Variants in RBM47 observed in about 807,000 individuals in gnomAD.
RBM47 encodes the protein RNA-binding protein 47.
In RBM47, 21 loss-of-function variants were observed where a neutral mutation model predicts 47.1. The observed-to-expected ratio is 0.45, with a 90% CI of 0.32 to 0.64. The LOEUF is 0.64. Ranked by LOEUF, RBM47 falls within the 30% of genes least tolerant of loss-of-function variation. The pLI is 0.05. For missense variants in RBM47, 708 were observed against 870.9 expected, an observed-to-expected ratio of 0.81 and a Z score of 2.35; for synonymous variants, 375 against 361.7, an observed-to-expected ratio of 1.04 and a Z score of -0.42.
chr4:40,615,178 C>T (rs1440047294), intron 1 of RBM47, among the ~76,000 whole-genome samples: 3 of 152,014 alleles, frequency 2.0e-5, no homozygotes, highest in Non-Finnish European at 4.4e-5. Context: ...ACAGTGGGTG[C>T]TCAATAAATG....
intron 2 of RBM47, among the ~76,000 whole-genome samples, chr4:40,486,504 A>T (rs545641914): frequency 2.0e-5 from 3 of 152,304 alleles, no homozygotes; most frequent in East Asian, 3.9e-4. Context: ...ATCAGCAAAA[A>T]TTTTTAAATT....
At chr4:40,591,412 G>A (rs34811116) in intron 1 of RBM47, among the ~76,000 whole-genome samples, 1,807 of 152,268 alleles carry the variant, frequency 0.012, 44 homozygotes, top group African/African-American at 0.041. Flanking sequence ...ACCAAGCGTG[G>A]TGGCTCACAC....
At chr4:40,457,237 T>C (rs1418117018) in intron 3 of RBM47, among the ~76,000 whole-genome samples, 3 of 150,798 alleles carry the variant, frequency 2.0e-5, no homozygotes, top group Non-Finnish European at 1.5e-5. Flanking sequence ...CTGGCCAACA[T>C]GGTGAAATCC....
At chr4:40,507,948 C>A (rs928467680) in intron 2 of RBM47, among the ~76,000 whole-genome samples, 1 of 152,092 alleles carries the variant, frequency 6.6e-6, no homozygotes, top group Non-Finnish European at 1.5e-5. Context: ...TGCCTGTAAT[C>A]CCAGCTACTT....
At position 40,466,612 on chromosome 4, in the gene RBM47, A is replaced by G. The variant is rs1173636024; in HGVS notation, c.-67T>C. On this transcript the variant is annotated 5_prime_UTR_variant, in exon 3 of 7. Coordinates refer to ENST00000295971, the MANE Select transcript of RBM47 (RefSeq NM_001098634.2). ...AATTTGATTTGTCTGGTCCTTTATA[A>G]GTCGCAGAACGAGAGTATACAGGCA... 1 of 152,166 alleles carries G rather than the reference A, an allele frequency of 6.6e-6. No individual in the cohort carries two copies. The highest frequency in any genetic ancestry group is 2.4e-5 in the African/African-American group (1 of 41,426). The allele number at this position is 152,166 out of a possible 1,614,324, so 9.4% of individuals were successfully genotyped here. A position where few individuals can be genotyped will look rare whatever the true frequency, so the allele number is the denominator to read the frequency against.
chr4:40,580,049 C>T (rs1355885221), intron 1 of RBM47, among the ~76,000 whole-genome samples: 1 of 152,152 alleles, frequency 6.6e-6, no homozygotes, highest in African/African-American at 2.4e-5. Context: ...TGAGCCACCG[C>T]TTCCGGCCTA....
intron 2 of RBM47, among the ~76,000 whole-genome samples, chr4:40,481,483 A>G (rs3105212): frequency 9.4e-6 from 1 of 106,376 alleles, no homozygotes; most frequent in Non-Finnish European, 1.8e-5. Flanking sequence ...TATTATTATT[A>G]TTATTTTTAT....
chr4:40,472,296 C>A (rs985629392), intron 2 of RBM47, among the ~76,000 whole-genome samples: 1 of 151,934 alleles, frequency 6.6e-6, no homozygotes, highest in Non-Finnish European at 1.5e-5. Context: ...AGTTTTTTGT[C>A]GGGTGCGGTG....
intron 2 of RBM47, among the ~76,000 whole-genome samples, chr4:40,509,108 C>T (rs955898660): frequency 2.0e-5 from 3 of 151,572 alleles, no homozygotes; most frequent in African/African-American, 4.9e-5. Context: ...TGTAGTGAGC[C>T]GAGATTGTGC....
intron 1 of RBM47, among the ~76,000 whole-genome samples, chr4:40,563,210 A>G (rs996980604): frequency 1.3e-5 from 2 of 152,202 alleles, no homozygotes; most frequent in African/African-American, 4.8e-5. Flanking sequence ...AAATAAATAA[A>G]TAAAATACCT....
At chr4:40,511,791 C>G (rs12506096) in intron 2 of RBM47, among the ~76,000 whole-genome samples, 19,063 of 151,752 alleles carry the variant, frequency 0.13, 1,324 homozygotes, top group East Asian at 0.21. Flanking sequence ...AAAAATTAGC[C>G]GGGCGTGGTG....
intron 1 of RBM47, among the ~76,000 whole-genome samples, chr4:40,581,011 C>T (rs941188214): frequency 6.6e-6 from 1 of 152,204 alleles, no homozygotes; most frequent in African/African-American, 2.4e-5. Flanking sequence ...GAACAAGAAT[C>T]TGTGGCTGGA....
chr4:40,483,330 C>A (rs1014996421), intron 2 of RBM47, among the ~76,000 whole-genome samples: 2 of 152,162 alleles, frequency 1.3e-5, no homozygotes, highest in Admixed American at 6.5e-5. Context: ...TTGTTCTAGA[C>A]CCCGAAGATT....
intron 2 of RBM47, among the ~76,000 whole-genome samples, chr4:40,483,638 G>A (rs907612035): frequency 3.2e-4 from 49 of 152,328 alleles, no homozygotes; most frequent in African/African-American, 1.2e-3. Context: ...AGAGGTTGCA[G>A]TGAGCTGAGA....
intron 1 of RBM47, among the ~76,000 whole-genome samples, chr4:40,570,287 A>G (rs989069632): frequency 6.6e-6 from 1 of 151,864 alleles, no homozygotes; most frequent in Non-Finnish European, 1.5e-5. Context: ...ACTCACCACA[A>G]TGTAGAATCA....
intron 1 of RBM47, among the ~76,000 whole-genome samples, chr4:40,600,999 A>AAAAAAAAAAAAG (rs1338188731): frequency 1.1e-4 from 16 of 147,358 alleles, no homozygotes; most frequent in African/African-American, 3.4e-4. Flanking sequence ...AAAAAAAAAA[A>AAAAAAAAAAAAG]AAAGAAAGAA....
chr4:40,518,424 C>T (rs1385357728), intron 2 of RBM47, among the ~76,000 whole-genome samples: 1 of 152,082 alleles, frequency 6.6e-6, no homozygotes, highest in African/African-American at 2.4e-5. Context: ...GATCCACCTG[C>T]CTCGGCCTCC....
At chr4:40,506,628 G>C (rs1226927094) in intron 2 of RBM47, among the ~76,000 whole-genome samples, 1 of 152,166 alleles carries the variant, frequency 6.6e-6, no homozygotes, top group African/African-American at 2.4e-5. Flanking sequence ...AATGGCTTTT[G>C]TACTCAACTG....
intron 6 of RBM47, among the ~76,000 whole-genome samples, chr4:40,431,645 G>C (rs1289796585): frequency 3.4e-5 from 4 of 117,966 alleles, no homozygotes; most frequent in African/African-American, 9.9e-5. Context: ...GCGACAGAGC[G>C]AGACTCCGTC....
Sources: gnomAD v4.1 joint callset for allele counts (sites outside exome capture counted in the v4.1 genomes callset) on GRCh38, gnomAD v4.1.1 for gene constraint, MANE v1.5 for transcripts, NCBI Gene and HGNC (gene_info 2026-07-23, HGNC 2026-07-21) for gene names.